The following RBM19 variants were observed in gnomAD, a reference collection of about 807,000 sequenced individuals.
RBM19 encodes probable RNA-binding protein 19.
In RBM19, 94 loss-of-function variants were observed where a neutral mutation model predicts 116.8. That is an observed-to-expected ratio of 0.80 (90% CI 0.68 to 0.95). The LOEUF (loss-of-function observed/expected upper bound fraction) is 0.95. Among genes scored for constraint, RBM19 ranks in the 40% least tolerant of loss-of-function variants. The pLI, the probability that RBM19 is intolerant of heterozygous loss-of-function variation, is 0.00. For synonymous variants in RBM19, 475 were observed against 494.1 expected (o/e 0.96, Z 0.51); for missense variants, 1,161 against 1,220.7 (o/e 0.95, Z 0.73).
At chr12:113,881,926 C>A (rs1880163950) in intron 21 of RBM19, among the ~76,000 whole-genome samples, 1 of 152,278 alleles carries the variant, frequency 6.6e-6, no homozygotes, top group African/African-American at 2.4e-5. Flanking sequence ...GACCCACATG[C>A]CCTCCACCCA....
intron 23 of RBM19, among the ~76,000 whole-genome samples, chr12:113,843,152 G>T (rs749756704): frequency 2.0e-5 from 3 of 152,234 alleles, no homozygotes; most frequent in Non-Finnish European, 2.9e-5. Context: ...CTCCATAAGA[G>T]AAACTGTTCC....
At chr12:113,927,530 A>G in intron 16 of RBM19, 1 of 312,424 alleles carries the variant, frequency 3.2e-6, no homozygotes, top group Non-Finnish European at 5.8e-6. Flanking sequence ...GAAATAAATT[A>G]CCATGTGAAC....
At chr12:113,945,383 G>T (rs1870926304) in intron 13 of RBM19, among the ~76,000 whole-genome samples, 1 of 152,190 alleles carries the variant, frequency 6.6e-6, no homozygotes, top group African/African-American at 2.4e-5. Flanking sequence ...ATGGTTCAGA[G>T]CCAAGGCACC....
At chr12:113,884,865 GATA>G (rs1880415173) in intron 21 of RBM19, among the ~76,000 whole-genome samples, 1 of 152,088 alleles carries the variant, frequency 6.6e-6, no homozygotes, top group Non-Finnish European at 1.5e-5. Context: ...AATAAATAAT[GATA>G]ATAATGGTTT....
At chr12:113,943,320 G>A (rs572185386) in intron 13 of RBM19, among the ~76,000 whole-genome samples, 29 of 152,130 alleles carry the variant, frequency 1.9e-4, no homozygotes, top group Non-Finnish European at 3.2e-4. Flanking sequence ...CGGGGGATCT[G>A]AAGCGGCTGC....
chr12:113,896,264 T>G (rs1033406613), intron 21 of RBM19, among the ~76,000 whole-genome samples: 10 of 152,342 alleles, frequency 6.6e-5, no homozygotes, highest in African/African-American at 2.2e-4. Flanking sequence ...CTATCTTCCC[T>G]GTAATGTGCT....
chr12:113,884,120 A>AAAAAAAAAAC lies in RBM19; in HGVS notation c.2559-25225_2559-25224insGTTTTTTTTT, dbSNP rs538609061. ...GGATACTCCATCTCTACCAAAAAAA[A>AAAAAAAAAAC]AAAAAAACAAAAAACTCGCCAGGCA... On this transcript the variant is annotated intron_variant, in intron 21 of 23. Transcript: ENST00000261741. 1.1e-3 allele frequency among the ~76,000 whole-genome samples: 163 copies of AAAAAAAAAAC among 145,816 alleles called. 4 individuals carry two copies. Among genetic ancestry groups the AAAAAAAAAAC allele is most frequent in the Admixed American group, 3.2e-3 (45 of 14,192 alleles).
chr12:113,941,520 C>T lies in RBM19; in HGVS notation c.1737+804G>A, dbSNP rs559017453. 4.4e-5 allele frequency among the ~76,000 whole-genome samples: 6 copies of T among 135,770 alleles called. No individual in the cohort carries two copies. In the East Asian group the frequency reaches 1.4e-3, roughly 32 times the overall value. 89.1% of individuals were successfully genotyped at this position (135,770 alleles called of 152,430 possible). On this transcript the variant is annotated intron_variant, in intron 14 of 23. Coordinates refer to ENST00000261741, the MANE Select transcript of RBM19 (RefSeq NM_016196.4). The stretch of plus-strand genomic sequence containing the variant: ...TTTGGTAAGTCTTAATAAATGTTAG[C>T]TATTAGTATATTTATTTTATCCATC...
intron 21 of RBM19, among the ~76,000 whole-genome samples, chr12:113,859,596 C>T (rs1393537211): frequency 6.6e-6 from 1 of 152,128 alleles, no homozygotes; most frequent in East Asian, 1.9e-4. Context: ...CGGCCTTGGA[C>T]CATCCCCCCC....
At chr12:113,844,328 C>T (rs904549089) in intron 23 of RBM19, among the ~76,000 whole-genome samples, 19 of 152,216 alleles carry the variant, frequency 1.2e-4, no homozygotes, top group African/African-American at 4.3e-4. Flanking sequence ...ACAGAGCCAA[C>T]GGCCACGAGC....
At chr12:113,893,638 C>G (rs1881107448) in intron 21 of RBM19, among the ~76,000 whole-genome samples, 1 of 152,130 alleles carries the variant, frequency 6.6e-6, no homozygotes, top group African/African-American at 2.4e-5. Context: ...AAACTTTGTC[C>G]ACATTTCCAA....
intron 21 of RBM19, among the ~76,000 whole-genome samples, chr12:113,908,573 C>CAAAAAAAAAAAAAAA (rs11338829): frequency 3.0e-4 from 10 of 33,222 alleles, no homozygotes; most frequent in South Asian, 4.3e-3. Context: ...AAGAAAATAG[C>CAAAAAAAAAAAAAAA]AAAAAAAAAA....
chr12:113,855,448 C>A (rs1877817354), intron 22 of RBM19, among the ~76,000 whole-genome samples: 1 of 152,242 alleles, frequency 6.6e-6, no homozygotes, highest in Non-Finnish European at 1.5e-5. Flanking sequence ...CTGGGGCAGA[C>A]CTCCTGGCTT....
At chr12:113,872,290 A>C (rs1434329876) in intron 21 of RBM19, among the ~76,000 whole-genome samples, 3 of 141,052 alleles carry the variant, frequency 2.1e-5, no homozygotes, top group African/African-American at 7.9e-5. Flanking sequence ...TCTGCCTGGC[A>C]ACCACCCCGT....
intron 10 of RBM19, among the ~76,000 whole-genome samples, chr12:113,947,918 T>C (rs1202415176): frequency 6.6e-6 from 1 of 152,178 alleles, no homozygotes; most frequent in East Asian, 1.9e-4. Context: ...CCTTCCCAAA[T>C]GGACATTTGC....
At position 113,962,240 on chromosome 12, in the gene RBM19, G is replaced by T; in HGVS notation, c.211C>A (p.Arg71=). The change falls in exon 2 of 24, where the codon CGG becomes AGG. Residue 71 remains arginine (R), a synonymous_variant. Transcript: ENST00000261741. The part of the protein sequence containing the change: ...HFNKSFIDTS[R]ITVEFCKSFG... Reference sequence around the variant, plus strand: ...GACTCCTGCCCACTCACTGTGATCCGGGATGTGTCGATGAAGCTCTTGTTG... The same window carrying T: ...GACTCCTGCCCACTCACTGTGATCCTGGATGTGTCGATGAAGCTCTTGTTG... 6.2e-7 allele frequency: 1 copy of T among 1,614,208 alleles called. No homozygotes were observed. The highest frequency in any genetic ancestry group is 8.5e-7 in the Non-Finnish European group (1 of 1,180,012).
At chr12:113,897,332 A>G (rs1196009248) in intron 21 of RBM19, among the ~76,000 whole-genome samples, 1 of 152,160 alleles carries the variant, frequency 6.6e-6, no homozygotes, top group African/African-American at 2.4e-5. Context: ...TACCCAGCTA[A>G]GTTTTGTATT....
At position 113,942,351 on chromosome 12, in the gene RBM19, G is replaced by C; in HGVS notation, c.1710C>G (p.Asn570Lys). The C allele has an allele frequency of 6.2e-7, 1 of 1,607,842 alleles. No individual in the cohort carries two copies. Among genetic ancestry groups the C allele is most frequent in the Non-Finnish European group, 8.5e-7 (1 of 1,179,862 alleles). ...GGCTGAAGGAATCCAGGCTGACCCC[G>C]TTGTCTATGAGAAAACGCCGCACTT... ...VQEVRRFLID[N>K]GVSLDSFSQA... Residue 570 changes from asparagine to lysine, a missense_variant, in exon 14 of 24, where the codon AAC becomes AAG. Coordinates refer to ENST00000261741, the MANE Select transcript of RBM19 (RefSeq NM_016196.4).
At chr12:113,830,681 G>C (rs1593454644) in intron 23 of RBM19, among the ~76,000 whole-genome samples, 3 of 151,890 alleles carry the variant, frequency 2.0e-5, no homozygotes, top group Admixed American at 6.6e-5. Flanking sequence ...AGCAAGGGGA[G>C]TGTCCCGGTG....
Sources: allele counts gnomAD v4.1 joint callset (sites outside exome capture counted in the v4.1 genomes callset), GRCh38; gene constraint gnomAD v4.1.1; transcripts MANE v1.5; gene names NCBI Gene and HGNC (gene_info 2026-07-23, HGNC 2026-07-21).